TM9SF1: variants seen among roughly 807,000 people sequenced by gnomAD.
The protein encoded by TM9SF1 is MP70 protein family member.
In TM9SF1, 25 loss-of-function variants were observed where a neutral mutation model predicts 52.4. The observed-to-expected ratio is 0.48, with a 90% CI of 0.35 to 0.67. The LOEUF is 0.67. Ranked by LOEUF, TM9SF1 falls within the 30% of genes least tolerant of loss-of-function variation. TM9SF1 has a pLI of 0.01. For synonymous variants in TM9SF1, 284 were observed against 299.8 expected, an observed-to-expected ratio of 0.95 and a Z score of 0.55; for missense variants, 604 against 780.3, an observed-to-expected ratio of 0.77 and a Z score of 2.69.
chr14:24,189,339 A>G lies in TM9SF1; in HGVS notation c.*76T>C, dbSNP rs763467521. On this transcript the variant is annotated 3_prime_UTR_variant, in exon 6 of 6. Coordinates refer to ENST00000261789, the MANE Select transcript of TM9SF1 (RefSeq NM_006405.7). ...ATGCCATCACACAATTCAGTCAATCAGAAGAGAAGCTGGTAGGAGAGTTCA... is the reference window on the plus strand; with the variant it reads ...ATGCCATCACACAATTCAGTCAATCGGAAGAGAAGCTGGTAGGAGAGTTCA... 18 of 1,467,612 alleles carry G rather than the reference A, an allele frequency of 1.2e-5. No homozygotes were observed. Among genetic ancestry groups the G allele is most frequent in the South Asian group, 9.6e-5 (7 of 73,198 alleles). The allele number at this position is 1,467,612 out of a possible 1,614,324, so 90.9% of individuals were successfully genotyped here.
Position 24,189,666 on chromosome 14 carries a change from A to T in TM9SF1, c.1570T>A (p.Leu524Met), listed in dbSNP as rs200719557. The change falls in exon 6 of 6, where the codon TTG becomes ATG. Residue 524 changes from leucine (L) to methionine (M), a missense_variant. Coordinates refer to ENST00000261789, the MANE Select transcript of TM9SF1 (RefSeq NM_006405.7). ...CISIALTYFQ[L>M]SGEDYRWWWR... is the part of the protein sequence containing the mutation. Reference sequence around the variant, plus strand: ...CACCAGCGGTAATCCTCCCCAGACAACTGGAAGTAGGTGAGTGCAATGGAG... The same window carrying T: ...CACCAGCGGTAATCCTCCCCAGACATCTGGAAGTAGGTGAGTGCAATGGAG... 9 of 1,614,150 alleles carry T rather than the reference A, an allele frequency of 5.6e-6. No individual in the cohort carries two copies. Among genetic ancestry groups the T allele is most frequent in the Non-Finnish European group, 7.6e-6 (9 of 1,180,016 alleles).
chr14:24,195,319 T>G, intron 1 of TM9SF1, 27 bp downstream of exon 1: 8 of 348,802 alleles, frequency 2.3e-5, no homozygotes, highest in East Asian at 5.2e-5. Context: ...CTCGGGTCCC[T>G]TCCCGCCACA....
chr14:24,192,973 C>T lies in TM9SF1; in HGVS notation c.642G>A (p.Glu214=). 1 of 1,614,122 alleles carries T rather than the reference C, an allele frequency of 6.2e-7. No homozygotes were observed. The highest frequency in any genetic ancestry group is 8.5e-7 in the Non-Finnish European group (1 of 1,179,964). The part of the protein sequence containing the change: ...YSVRWSETSV[E]RRSDRRRGDD... ...CACCACGGCGCCTGTCACTCCGACG[C>T]TCCACTGAAGTCTCAGACCAGCGCA... The change falls in exon 3 of 6, where the codon GAG becomes GAA. Residue 214 remains glutamate (E), a synonymous_variant. Transcript: ENST00000261789. This position sits in a 1 kb window ranked among gnomAD's most constrained non-coding sequence, Gnocchi z 4.0.
Position 24,192,976 on chromosome 14 carries a change from C to G in TM9SF1, c.639G>C (p.Val213=), listed in dbSNP as rs1418843818. 6.2e-7 allele frequency: 1 copy of G among 1,614,130 alleles called. No homozygotes were observed. Residue 213 remains valine (V), a synonymous_variant, in exon 3 of 6, where the codon GTG becomes GTC. Transcript: ENST00000261789. The surrounding 1 kb of genome is among the most constrained non-coding windows in gnomAD (Gnocchi z 4.0). The stretch of plus-strand genomic sequence containing the variant: ...CACGGCGCCTGTCACTCCGACGCTC[C>G]ACTGAAGTCTCAGACCAGCGCACGC... ...TYSVRWSETS[V]ERRSDRRRGD... is the part of the protein sequence containing the mutation.
Position 24,192,211 on chromosome 14 carries a change from A to G in TM9SF1, c.1113T>C (p.Arg371=). 6.2e-7 allele frequency: 1 copy of G among 1,614,164 alleles called. No homozygotes were observed. Among genetic ancestry groups the G allele is most frequent in the Non-Finnish European group, 8.5e-7 (1 of 1,180,030 alleles). Reference sequence around the variant, plus strand: ...TGGTGAGAATGATGTTCCACACCCAACGCTCGCCTCCAATCTGCCGGTAGA... The same window carrying G: ...TGGTGAGAATGATGTTCCACACCCAGCGCTCGCCTCCAATCTGCCGGTAGA... The part of the protein sequence containing the change: ...SHFYRQIGGE[R]WVWNIILTTS... Residue 371 remains arginine (R), a synonymous_variant, in exon 4 of 6, where the codon CGT becomes CGC. Coordinates refer to ENST00000261789, the MANE Select transcript of TM9SF1 (RefSeq NM_006405.7). The surrounding 1 kb of genome is among the most constrained non-coding windows in gnomAD (Gnocchi z 4.0).
chr14:24,192,578 T>C lies in TM9SF1; in HGVS notation c.967+70A>G, dbSNP rs1488838647. The C allele has an allele frequency of 4.6e-6, 7 of 1,509,828 alleles. No individual in the cohort carries two copies. The East Asian group carries it at 1.6e-4, about 34-fold the overall frequency. 93.5% of individuals were successfully genotyped at this position (1,509,828 alleles called of 1,614,324 possible). ...GGATAGAAGAGAAGATCCACAGACC[T>C]TTTCTGAACAAACTCCCTACCTAGT... On this transcript the variant is annotated intron_variant, in intron 3 of 5. Transcript: ENST00000261789. This position sits in a 1 kb window ranked among gnomAD's most constrained non-coding sequence, Gnocchi z 4.0.
chr14:24,195,011 G>A lies in TM9SF1; in HGVS notation c.9C>T (p.Val3=). Residue 3 remains valine (V), a synonymous_variant, in exon 2 of 6, where the codon GTC becomes GTT. Coordinates refer to ENST00000261789, the MANE Select transcript of TM9SF1 (RefSeq NM_006405.7). The part of the protein sequence containing the change: MT[V]VGNPRSWSCQ... ...AGCTCCAACTTCGAGGGTTCCCTACGACTGTCATCCTTAAGGCAGTGGAAC... is the reference window on the plus strand; with the variant it reads ...AGCTCCAACTTCGAGGGTTCCCTACAACTGTCATCCTTAAGGCAGTGGAAC... 1 of 1,613,604 alleles carries A rather than the reference G, an allele frequency of 6.2e-7. No individual in the cohort carries two copies. Among genetic ancestry groups the A allele is most frequent in the Non-Finnish European group, 8.5e-7 (1 of 1,179,770 alleles).
intron 2 of TM9SF1, 89 bp from the exon 3 acceptor site, chr14:24,193,358 T>C: frequency 2.1e-6 from 3 of 1,409,510 alleles, no homozygotes; most frequent in Non-Finnish European, 1.9e-6. Context: ...ACTACTGATA[T>C]TTTGGGGTGG....
intron 1 of TM9SF1, 38 bp from the exon 2 acceptor site, chr14:24,195,074 G>T: frequency 1.3e-6 from 2 of 1,516,446 alleles, no homozygotes. Context: ...AAACCAGGGA[G>T]GTTACAGAAA....
rs774077277 is a variant in TM9SF1, at chr14:24,192,235, G to T, written c.1089C>A (p.Phe363Leu). The T allele has an allele frequency of 1.2e-6, 2 of 1,614,240 alleles. No homozygotes were observed. The highest frequency in any genetic ancestry group is 1.7e-6 in the Non-Finnish European group (2 of 1,180,038). Residue 363 changes from phenylalanine to leucine, a missense_variant, in exon 4 of 6, where the codon TTC becomes TTA. Phe to Leu is a conservative substitution (Grantham distance 22). Around this residue, in one of 3 missense-constraint regions of TM9SF1, gnomAD observed 450 missense variants for 560.1 expected, o/e 0.80. Transcript: ENST00000261789. This position sits in a 1 kb window ranked among gnomAD's most constrained non-coding sequence, Gnocchi z 4.0. ...CCISGYVSSH[F>L]YRQIGGERWV... ...AACGCTCGCCTCCAATCTGCCGGTAGAAGTGGCTGGACACGTAGCCAGAGA... is the reference window on the plus strand; with the variant it reads ...AACGCTCGCCTCCAATCTGCCGGTATAAGTGGCTGGACACGTAGCCAGAGA...
intron 5 of TM9SF1, chr14:24,190,081 T>C: frequency 7.4e-7 from 1 of 1,358,422 alleles, no homozygotes. Context: ...CAAAGAGGTA[T>C]TCAACAAAGT....
chr14:24,194,746 A>C lies in TM9SF1; in HGVS notation c.274T>G (p.Leu92Val), dbSNP rs780350479. 1 of 1,614,246 alleles carries C rather than the reference A, an allele frequency of 6.2e-7. No individual in the cohort carries two copies. Among genetic ancestry groups the C allele is most frequent in the Non-Finnish European group, 8.5e-7 (1 of 1,180,038 alleles). The change falls in exon 2 of 6, where the codon TTG becomes GTG. Residue 92 changes from leucine to valine, a missense_variant. Leu to Val is a conservative substitution (Grantham distance 32). Around this residue, in one of 3 missense-constraint regions of TM9SF1, gnomAD observed 450 missense variants for 560.1 expected, o/e 0.80. Coordinates refer to ENST00000261789, the MANE Select transcript of TM9SF1 (RefSeq NM_006405.7). The part of the protein sequence containing the change: ...VLDGDRMAES[L>V]YEIRFRENVE... ...TTTTCCCGAAAGCGGATCTCATACA[A>C]AGACTCAGCCATTCGGTCCCCATCC...
intron 2 of TM9SF1, among the ~76,000 whole-genome samples, chr14:24,193,724 T>C (rs546452288): frequency 2.3e-4 from 34 of 148,172 alleles, no homozygotes; most frequent in African/African-American, 8.4e-4. Flanking sequence ...ATCGAGACCA[T>C]CCTGGCTAAC....
rs766712545 is a variant in TM9SF1, at chr14:24,195,009, A to G, written c.11T>C (p.Val4Ala). 9.9e-6 allele frequency: 16 copies of G among 1,613,666 alleles called. No individual in the cohort carries two copies. Among genetic ancestry groups the G allele is most frequent in the African/African-American group, 5.3e-5 (4 of 74,924 alleles). ...GCAGCTCCAACTTCGAGGGTTCCCT[A>G]CGACTGTCATCCTTAAGGCAGTGGA... Reference protein sequence around the residue: MTVVGNPRSWSCQW... With the variant: MTVAGNPRSWSCQW... The change falls in exon 2 of 6, where the codon GTA (valine) becomes GCA (alanine). Residue 4 changes from valine (V) to alanine (A), a missense_variant. Physicochemically the swap from Val to Ala is moderately conservative, Grantham distance 64. Around this residue, in one of 3 missense-constraint regions of TM9SF1, gnomAD observed 47 missense variants for 39.7 expected, o/e 1.18. Coordinates refer to ENST00000261789, the MANE Select transcript of TM9SF1 (RefSeq NM_006405.7).
Position 24,193,152 on chromosome 14 carries a change from G to A in TM9SF1, c.463C>T (p.His155Tyr). The A allele has an allele frequency of 6.2e-7, 1 of 1,614,154 alleles. No individual in the cohort carries two copies. Among genetic ancestry groups the A allele is most frequent in the Non-Finnish European group, 8.5e-7 (1 of 1,180,032 alleles). Residue 155 changes from histidine (H) to tyrosine (Y), a missense_variant, in exon 3 of 6, where the codon CAC (histidine) becomes TAC (tyrosine). Around this residue, in one of 3 missense-constraint regions of TM9SF1, gnomAD observed 450 missense variants for 560.1 expected, o/e 0.80. Transcript: ENST00000261789. ...MEESGFLPHS[H>Y]KIGLWTHLDF... ...AAATGGGTCCAGAGTCCTATCTTGT[G>A]GCTGTGTGGCAGGAAACCACTCTCC...
chr14:24,192,376 A>G lies in TM9SF1; in HGVS notation c.968-20T>C, dbSNP rs2039334648. On this transcript the variant is annotated intron_variant, in intron 3 of 5. Coordinates refer to ENST00000261789, the MANE Select transcript of TM9SF1 (RefSeq NM_006405.7). The surrounding 1 kb of genome is among the most constrained non-coding windows in gnomAD (Gnocchi z 4.0). ...TAATGCCTGCAGGACGGTAGCGGAAAGCCCAAGTTAGGCCTCACCTGTGTC... is the reference window on the plus strand; with the variant it reads ...TAATGCCTGCAGGACGGTAGCGGAAGGCCCAAGTTAGGCCTCACCTGTGTC... 6.2e-7 allele frequency: 1 copy of G among 1,605,752 alleles called. No individual in the cohort carries two copies. The highest frequency in any genetic ancestry group is 1.1e-5 in the South Asian group (1 of 90,880).
At position 24,193,195 on chromosome 14, in the gene TM9SF1, G is replaced by A. The variant is rs1329559970; in HGVS notation, c.420C>T (p.Gly140=). 1 of 1,614,084 alleles carries A rather than the reference G, an allele frequency of 6.2e-7. No homozygotes were observed. The highest frequency in any genetic ancestry group is 8.5e-7 in the Non-Finnish European group (1 of 1,180,010). ...EFVVDDLPIR[G]FVGYMEESGF... ...CACTCTCCTCCATGTAGCCCACAAA[G>A]CCCCGGATTGGCAAGTCATCTACCA... Residue 140 remains glycine, a synonymous_variant, in exon 3 of 6, where the codon GGC becomes GGT. Transcript: ENST00000261789.
In TM9SF1 at chr14:24,189,789, A is replaced by G. The variant is rs750543361; in HGVS notation, c.1447T>C (p.Tyr483His). Reference protein sequence around the residue: ...LPFSAISVELYYIFATVWGRE... With the variant: ...LPFSAISVELHYIFATVWGRE... The stretch of plus-strand genomic sequence containing the variant: ...CCCCATACTGTGGCAAAGATGTAGT[A>G]CAGCTCCACAGAGATGGCACTGTGA... Residue 483 changes from tyrosine to histidine, a missense_variant, in exon 6 of 6, where the codon TAC becomes CAC. By Grantham distance (83) the Tyr-to-His change is moderately conservative (BLOSUM62 2). Transcript: ENST00000261789. 11 of 1,609,032 alleles carry G rather than the reference A, an allele frequency of 6.8e-6. No homozygotes were observed. Among genetic ancestry groups the G allele is most frequent in the Non-Finnish European group, 8.5e-6 (10 of 1,176,156 alleles).
chr14:24,191,577 C>T (rs1409633719), intron 4 of TM9SF1, among the ~76,000 whole-genome samples: 5 of 152,192 alleles, frequency 3.3e-5, no homozygotes, highest in Non-Finnish European at 5.9e-5. Flanking sequence ...TAATCTCAGA[C>T]AAGTTACTTA....
Sources: gnomAD v4.1 joint callset for allele counts (sites outside exome capture counted in the v4.1 genomes callset) on GRCh38, gnomAD v4.1.1 for gene constraint, gnomAD v4.1.1 regional missense constraint, Gnocchi (gnomAD v3.1) non-coding constraint, MANE v1.5 for transcripts, NCBI Gene and HGNC (gene_info 2026-07-23, HGNC 2026-07-21) for gene names.